Variants in CENPP observed in about 807,000 individuals in gnomAD.
The protein encoded by CENPP is centromere protein P.
In CENPP, 24 loss-of-function variants were observed where a neutral mutation model predicts 35.6. That is an observed-to-expected ratio of 0.67 (90% CI 0.49 to 0.95). The LOEUF is 0.95. CENPP is among the 40% of genes least tolerant of loss of function. The pLI is 0.00. For synonymous variants in CENPP, 120 were observed against 125.5 expected (o/e 0.96, Z 0.29); for missense variants, 332 against 345.3 (o/e 0.96, Z 0.31).
intron 5 of CENPP, among the ~76,000 whole-genome samples, chr9:92,558,753 A>G (rs112992344): frequency 3.9e-5 from 6 of 152,222 alleles, no homozygotes; most frequent in African/African-American, 1.4e-4. Flanking sequence ...GGAAAGGACC[A>G]TCAGGTGGGG....
chr9:92,341,472 A>G (rs1841116581), intron 3 of CENPP: 1 of 152,146 alleles, frequency 6.6e-6, no homozygotes, highest in Admixed American at 6.5e-5. Context: ...CTGGACGCCC[A>G]GCTTTAAAAT....
At chr9:92,522,878 T>A in intron 5 of CENPP, 1 of 1,583,820 alleles carries the variant, frequency 6.3e-7, no homozygotes, top group Admixed American at 1.8e-5. Flanking sequence ...TTTGATTTTT[T>A]TCCACCAGCC....
chr9:92,546,166 C>A (rs139695310), intron 5 of CENPP, among the ~76,000 whole-genome samples: 112 of 152,260 alleles, frequency 7.4e-4, no homozygotes, highest in African/African-American at 2.4e-3. Flanking sequence ...TCTAGCTCAG[C>A]GATTGTAAAC....
At chr9:92,352,503 G>GTATATATATATATATATA (rs1554753073) in intron 4 of CENPP, among the ~76,000 whole-genome samples, 1 of 68,994 alleles carries the variant, frequency 1.4e-5, no homozygotes. Context: ...GTGTGTGTGT[G>GTATATATATATATATATA]TGTATACATA....
At chr9:92,604,784 G>C (rs75394720) in intron 5 of CENPP, among the ~76,000 whole-genome samples, 4 of 151,876 alleles carry the variant, frequency 2.6e-5, no homozygotes, top group Admixed American at 1.3e-4. Context: ...TAGTAGAGAC[G>C]GGTTTTACTA....
chr9:92,613,450 C>T lies in CENPP; in HGVS notation c.*301C>T. On this transcript the variant is annotated 3_prime_UTR_variant, in exon 8 of 8. Coordinates refer to ENST00000375587, the MANE Select transcript of CENPP (RefSeq NM_001012267.3). The stretch of plus-strand genomic sequence containing the variant: ...GTGTGGGGAGGATCCATCCCCCACC[C>T]ACTGCAGCCTCACACCGAGTCCACC... 3.1e-6 allele frequency: 1 copy of T among 325,764 alleles called. No homozygotes were observed. Among genetic ancestry groups the T allele is most frequent in the Non-Finnish European group, 5.9e-6 (1 of 168,378 alleles). The allele number at this position is 325,764 out of a possible 1,614,324, so 20.2% of individuals were successfully genotyped here.
intron 4 of CENPP, among the ~76,000 whole-genome samples, chr9:92,362,144 T>C (rs1019667420): frequency 6.6e-6 from 1 of 152,188 alleles, no homozygotes; most frequent in African/African-American, 2.4e-5. Context: ...CATGTTTCAC[T>C]TTGTCATCTT....
chr9:92,470,735 A>C (rs1845480204), intron 5 of CENPP: 2 of 1,599,000 alleles, frequency 1.3e-6, no homozygotes, highest in African/African-American at 2.7e-5. Flanking sequence ...TTTGAAGATC[A>C]AGCATTCGAG....
intron 5 of CENPP, among the ~76,000 whole-genome samples, chr9:92,567,292 A>G: frequency 6.6e-6 from 1 of 151,044 alleles, no homozygotes; most frequent in East Asian, 1.9e-4. Context: ...TTCGTTTTCA[A>G]CATGATTATA....
At chr9:92,501,145 A>G (rs1846649535) in intron 5 of CENPP, 18 of 1,294,190 alleles carry the variant, frequency 1.4e-5, no homozygotes, top group South Asian at 8.7e-5. Context: ...ATGCTGGTCC[A>G]TTTTCCTATA....
intron 3 of CENPP, 100 bp from the exon 4 acceptor site, chr9:92,345,594 TCTTTC>T (rs1841270185): frequency 3.0e-6 from 2 of 668,988 alleles, no homozygotes; most frequent in South Asian, 3.5e-5. Flanking sequence ...TCATGATTAC[TCTTTC>T]CTTTTATTTG....
intron 5 of CENPP, among the ~76,000 whole-genome samples, chr9:92,454,856 G>A (rs1280855671): frequency 7.2e-5 from 11 of 152,108 alleles, no homozygotes; most frequent in Admixed American, 7.2e-4. Context: ...AGCACTACTG[G>A]TGGTGAACAT....
chr9:92,434,949 G>A (rs2130993095), intron 5 of CENPP, among the ~76,000 whole-genome samples: 1 of 152,308 alleles, frequency 6.6e-6, no homozygotes, highest in East Asian at 1.9e-4. Flanking sequence ...CTACTCAGGA[G>A]GCTGAGGCAG....
intron 5 of CENPP, among the ~76,000 whole-genome samples, chr9:92,564,674 A>G (rs949811889): frequency 2.0e-5 from 3 of 152,222 alleles, no homozygotes; most frequent in Non-Finnish European, 4.4e-5. Context: ...CTAGAGATAT[A>G]AGATCCCTCA....
intron 5 of CENPP, chr9:92,515,281 G>T (rs1487775764): frequency 7.2e-7 from 1 of 1,379,742 alleles, no homozygotes; most frequent in Non-Finnish European, 9.3e-7. Context: ...TGAAAATGAG[G>T]TTAGTAAATA....
rs1851294391 is a variant in CENPP at position 92,612,566 on chromosome 9, G to A, written c.688G>A (p.Gly230Arg). ...TTGGAGGATACAAATAGATGAAGAT[G>A]GGAAGGTTTTTCCAAAGCTGGATCT... is the stretch of plus-strand genomic sequence containing the variant. Reference protein sequence around the residue: ...IVWRIQIDEDGKVFPKLDLLT... With the variant: ...IVWRIQIDEDRKVFPKLDLLT... The change falls in exon 7 of 8, where the codon GGG becomes AGG. Residue 230 changes from glycine (G) to arginine (R), a missense_variant. By Grantham distance (125) the Gly-to-Arg change is moderately radical (BLOSUM62 -2). Coordinates refer to ENST00000375587, the MANE Select transcript of CENPP (RefSeq NM_001012267.3). 6.2e-7 allele frequency: 1 copy of A among 1,613,982 alleles called. No homozygotes were observed. The highest frequency in any genetic ancestry group is 1.3e-5 in the African/African-American group (1 of 74,918).
At chr9:92,558,394 A>G (rs553594901) in intron 5 of CENPP, among the ~76,000 whole-genome samples, 6 of 152,076 alleles carry the variant, frequency 3.9e-5, no homozygotes, top group Non-Finnish European at 4.4e-5. Context: ...GCCAAACTAC[A>G]GTGATTATTG....
At chr9:92,417,187 G>T (rs764235339) in intron 5 of CENPP, 1 of 1,613,864 alleles carries the variant, frequency 6.2e-7, no homozygotes. Flanking sequence ...TAATTTTGTT[G>T]TGGCTGAGGT....
intron 5 of CENPP, among the ~76,000 whole-genome samples, chr9:92,423,627 C>A (rs972205767): frequency 1.3e-5 from 2 of 151,848 alleles, no homozygotes; most frequent in East Asian, 3.9e-4. Flanking sequence ...ACATTTAAAT[C>A]GTAATTAACT....
Sources: gnomAD v4.1 joint callset for allele counts (sites outside exome capture counted in the v4.1 genomes callset) on GRCh38, gnomAD v4.1.1 for gene constraint, MANE v1.5 for transcripts, NCBI Gene and HGNC (gene_info 2026-07-23, HGNC 2026-07-21) for gene names.